The following BRCA1 variants were observed in gnomAD, a reference collection of about 807,000 sequenced individuals.
The protein encoded by BRCA1 is breast cancer type 1 susceptibility protein.
BRCA1 carries 140 observed loss-of-function variants against 173.7 expected under a neutral mutation model. That is an observed-to-expected ratio of 0.81 (90% CI 0.70 to 0.93). BRCA1 has a LOEUF of 0.93. Ranked by LOEUF, BRCA1 falls within the 40% of genes least tolerant of loss-of-function variation. The pLI, the probability that BRCA1 is intolerant of heterozygous loss-of-function variation, is 0.00. For synonymous variants in BRCA1, 662 were observed against 756.0 expected (o/e 0.88, Z 2.04); for missense variants, 1,983 against 2,172.5 (o/e 0.91, Z 1.73).
At chr17:43,150,167 T>C (rs934765743) in intron 1 of BRCA1, among the ~76,000 whole-genome samples, 2 of 152,156 alleles carry the variant, frequency 1.3e-5, no homozygotes, top group Admixed American at 1.3e-4. Context: ...TAGAGTGTAG[T>C]GGCGTGATCA....
rs753793287 is a variant in BRCA1 at position 43,063,321 on chromosome 17, TC to T, written c.5193+11del. On this transcript the variant is annotated intron_variant, in intron 18 of 22. Coordinates refer to ENST00000357654, the MANE Select transcript of BRCA1 (RefSeq NM_007294.4). ...GAATATCTCTGGTTAGTTTGTAACA[TC>T]AAGTACTTACCTCATTCAGCATTTT... The T allele has an allele frequency of 6.2e-7, 1 of 1,600,106 alleles. No individual in the cohort carries two copies. The highest frequency in any genetic ancestry group is 1.7e-5 in the Admixed American group (1 of 60,002).
chr17:43,123,979 T>C (rs768583394), intron 2 of BRCA1, 38 bp downstream of exon 2: 8 of 1,497,556 alleles, frequency 5.3e-6, no homozygotes, highest in Non-Finnish European at 7.4e-6. Flanking sequence ...GAGATAATCA[T>C]AGGAATCCCA....
chr17:43,067,135 C>A (rs1302075258), intron 16 of BRCA1: 5 of 163,890 alleles, frequency 3.1e-5, no homozygotes, highest in Non-Finnish European at 6.6e-5. Context: ...CAAATCTTAA[C>A]CCAAAACAAA....
At chr17:43,104,793 G>C (rs2154551136) in intron 5 of BRCA1, 75 bp downstream of exon 5, 1 of 1,306,770 alleles carries the variant, frequency 7.7e-7, no homozygotes, top group Middle Eastern at 1.8e-4. Flanking sequence ...CCACGTCATA[G>C]AAAGTAATTG....
In BRCA1 at chr17:43,094,516, T is replaced by C. The variant is rs55842957; in HGVS notation, c.1015A>G (p.Lys339Glu). Residue 339 changes from lysine to glutamate, a missense_variant, in exon 10 of 23, where the codon AAG (lysine) becomes GAG (glutamate). Transcript: ENST00000357654. ...NDRRTPSTEK[K>E]VDLNADPLCE... is the part of the protein sequence containing the mutation. Reference sequence around the variant, plus strand: ...AGGGGATCAGCATTCAGATCTACCTTTTTTTCTGTGCTGGGAGTCCGCCTA... The same window carrying C: ...AGGGGATCAGCATTCAGATCTACCTCTTTTTCTGTGCTGGGAGTCCGCCTA... The C allele has an allele frequency of 1.2e-5, 19 of 1,614,074 alleles. No individual in the cohort carries two copies. Among genetic ancestry groups the C allele is most frequent in the Non-Finnish European group, 1.6e-5 (19 of 1,180,028 alleles).
chr17:43,085,368 A>AG (rs2053190479), intron 11 of BRCA1, among the ~76,000 whole-genome samples: 2 of 152,146 alleles, frequency 1.3e-5, no homozygotes. Context: ...TCAAAAAAAA[A>AG]AAGAAAAGAA....
chr17:43,163,621 G>A (rs2056250111), intron 1 of BRCA1: 2 of 152,186 alleles, frequency 1.3e-5, no homozygotes, highest in Admixed American at 6.5e-5. Context: ...TTGATGAAAT[G>A]CCAGGGTGAA....
chr17:43,154,816 T>G (rs1310028477), intron 1 of BRCA1, among the ~76,000 whole-genome samples: 1 of 149,800 alleles, frequency 6.7e-6, no homozygotes, highest in Admixed American at 6.6e-5. Context: ...ATAAGTGTAT[T>G]AAAGAGAAAA....
chr17:43,123,072 A>T (rs1383776960), intron 2 of BRCA1, among the ~76,000 whole-genome samples: 1 of 150,608 alleles, frequency 6.6e-6, no homozygotes, highest in Non-Finnish European at 1.5e-5. Context: ...AAGAAAAAAA[A>T]ATACAAAAAT....
chr17:43,153,965 T>A (rs1366434618), intron 1 of BRCA1, among the ~76,000 whole-genome samples: 1 of 152,134 alleles, frequency 6.6e-6, no homozygotes, highest in Admixed American at 6.6e-5. Context: ...GGTGGGTGGA[T>A]CACCTGAGCT....
chr17:43,138,136 A>C, intron 1 of BRCA1: 1 of 169,404 alleles, frequency 5.9e-6, no homozygotes, highest in Non-Finnish European at 1.3e-5. Context: ...GTGAGCTGAG[A>C]TTGTGCCATT....
At chr17:43,131,999 G>T (rs905017396) in intron 1 of BRCA1, among the ~76,000 whole-genome samples, 3 of 152,106 alleles carry the variant, frequency 2.0e-5, no homozygotes, top group Admixed American at 1.3e-4. Context: ...GGCCAGGCTG[G>T]TTTTGAACTC....
chr17:43,057,032 C>T lies in BRCA1; in HGVS notation c.5277+20G>A, dbSNP rs766950602. The stretch of plus-strand genomic sequence containing the variant: ...AGTGGTGGGGTGAGATTTTTGTCAA[C>T]TTGAGGGAGGGAGCTTTACCTTTCT... On this transcript the variant is annotated intron_variant, in intron 19 of 22. Transcript: ENST00000357654. The T allele has an allele frequency of 1.9e-6, 3 of 1,613,130 alleles. No individual in the cohort carries two copies. In the African/African-American group the frequency reaches 4.0e-5, roughly 22 times the overall value.
intron 11 of BRCA1, among the ~76,000 whole-genome samples, chr17:43,083,912 G>A (rs1249790644): frequency 6.6e-6 from 1 of 152,064 alleles, no homozygotes; most frequent in African/African-American, 2.4e-5. Context: ...GCCCCAGGCT[G>A]GAGTGCAGTG....
chr17:43,057,670 C>T (rs1274651087), intron 18 of BRCA1, among the ~76,000 whole-genome samples: 1 of 150,962 alleles, frequency 6.6e-6, no homozygotes, highest in African/African-American at 2.4e-5. Flanking sequence ...CCCGTCTCTA[C>T]TTAAAATACA....
Position 43,091,569 on chromosome 17 carries a change from G to T in BRCA1, c.3962C>A (p.Ser1321Tyr), listed in dbSNP as rs386833394. ...NTQDPFLIGSSKQMRHQSESQ... is the reference protein window; with the variant it reads ...NTQDPFLIGSYKQMRHQSESQ... The stretch of plus-strand genomic sequence containing the variant: ...TTCAGACTGATGCCTCATTTGTTTG[G>T]AAGAACCAATCAAGAAAGGATCCTG... Residue 1321 changes from serine to tyrosine, a missense_variant, in exon 10 of 23, where the codon TCC becomes TAC. Coordinates refer to ENST00000357654, the MANE Select transcript of BRCA1 (RefSeq NM_007294.4). The T allele has an allele frequency of 4.3e-6, 7 of 1,614,134 alleles. No homozygotes were observed. Among genetic ancestry groups the T allele is most frequent in the Non-Finnish European group, 5.9e-6 (7 of 1,180,030 alleles).
At chr17:43,132,965 G>A (rs2055982687) in intron 1 of BRCA1, 1 of 151,918 alleles carries the variant, frequency 6.6e-6, no homozygotes, top group Non-Finnish European at 1.5e-5. Context: ...GTAGAGACGG[G>A]GTTTCACTGT....
chr17:43,062,455 T>C (rs1309221453), intron 18 of BRCA1, among the ~76,000 whole-genome samples: 2 of 152,206 alleles, frequency 1.3e-5, no homozygotes, highest in Non-Finnish European at 2.9e-5. Context: ...CAAAGGTATA[T>C]GCAAGTGGGC....
In BRCA1 at chr17:43,057,010, G is replaced by T. The variant is rs537848419; in HGVS notation, c.5277+42C>A. 50 of 1,570,206 alleles carry T rather than the reference G, an allele frequency of 3.2e-5. No individual in the cohort carries two copies. In the South Asian group the frequency reaches 5.2e-4, roughly 16 times the overall value. ...TGCAAAGGGGAGTGGAATACAGAGT[G>T]GTGGGGTGAGATTTTTGTCAACTTG... On this transcript the variant is annotated intron_variant, in intron 19 of 22. Transcript: ENST00000357654.
Sources: allele counts gnomAD v4.1 joint callset (sites outside exome capture counted in the v4.1 genomes callset), GRCh38; gene constraint gnomAD v4.1.1; transcripts MANE v1.5; gene names NCBI Gene and HGNC (gene_info 2026-07-23, HGNC 2026-07-21).